The following ZNF536 variants were observed in gnomAD, a reference collection of about 807,000 sequenced individuals.
The protein encoded by ZNF536 is zinc finger protein 536.
A neutral mutation model predicts 84.5 loss-of-function variants in ZNF536; 13 were observed. The ratio of observed to expected loss-of-function variants is 0.15; its 90% CI spans 0.10 to 0.24. ZNF536 has a LOEUF of 0.24. Ranked by LOEUF, ZNF536 falls within the 10% of genes least tolerant of loss-of-function variation. ZNF536 has a pLI of 1.00. For missense variants in ZNF536, 1,536 were observed against 1,747.5 expected (o/e 0.88, Z 2.16); for synonymous variants, 811 against 742.5 (o/e 1.09, Z -1.50).
chr19:30,544,672 G>A (rs1004928328), intron 3 of ZNF536, among the ~76,000 whole-genome samples: 6 of 152,146 alleles, frequency 3.9e-5, no homozygotes, highest in African/African-American at 7.2e-5. Flanking sequence ...GGTTTCAGGT[G>A]TTTATTCATT....
At chr19:30,561,500 C>T (rs965627234), downstream of ZNF536, among the ~76,000 whole-genome samples, 3 of 152,110 alleles carry the variant, frequency 2.0e-5, no homozygotes, top group Non-Finnish European at 4.4e-5. Flanking sequence ...AGGTAAGGAC[C>T]TGGATGCAGG....
intron 1 of ZNF536, among the ~76,000 whole-genome samples, chr19:30,628,683 C>T (rs556054623): frequency 6.6e-6 from 1 of 151,778 alleles, no homozygotes; most frequent in Non-Finnish European, 1.5e-5. Context: ...CCCACCTTGG[C>T]CTCCCTTTAT....
At position 30,257,732 on chromosome 19, in the gene ZNF536, G is replaced by A. The variant is rs541943167; in HGVS notation, c.-189-26340G>A. Among the ~76,000 whole-genome samples the A allele has an allele frequency of 7.9e-5, 12 of 152,320 alleles. No individual in the cohort carries two copies. The South Asian group carries it at 2.3e-3, about 29-fold the overall frequency. ...CTCCCAGGAGGGGCTGAAGATCTGG[G>A]AGGGAAGGTGGTCACTGTAAGGCCA... On this transcript the variant is annotated intron_variant, in intron 1 of 5. Transcript: ENST00000585628.
chr19:30,302,904 C>T (rs1368803054), intron 2 of ZNF536, among the ~76,000 whole-genome samples: 2 of 152,124 alleles, frequency 1.3e-5, no homozygotes, highest in Non-Finnish European at 2.9e-5. Flanking sequence ...TGGTGGTGGC[C>T]TTACGTCCTT....
intron 1 of ZNF536, among the ~76,000 whole-genome samples, chr19:30,396,860 C>T (rs937331327): frequency 6.6e-6 from 1 of 152,156 alleles, no homozygotes; most frequent in Admixed American, 6.5e-5. Context: ...CCGCCTTGGC[C>T]TCCCAAAGTG....
chr19:30,310,749 G>A (rs2146083251), intron 2 of ZNF536, among the ~76,000 whole-genome samples: 1 of 152,268 alleles, frequency 6.6e-6, no homozygotes. Context: ...CGGCTAACCA[G>A]CCATTCTCAG....
At chr19:30,399,303 T>C (rs1399399901) in intron 1 of ZNF536, among the ~76,000 whole-genome samples, 1 of 152,198 alleles carries the variant, frequency 6.6e-6, no homozygotes, top group Non-Finnish European at 1.5e-5. Flanking sequence ...TCTTTGTAGA[T>C]TCTGCCTATT....
At chr19:30,297,914 T>A (rs868821274) in intron 2 of ZNF536, among the ~76,000 whole-genome samples, 2 of 97,328 alleles carry the variant, frequency 2.1e-5, no homozygotes, top group Non-Finnish European at 4.0e-5. Flanking sequence ...CCCCCCCCCC[T>A]CTGTCGCCCA....
intron 2 of ZNF536, among the ~76,000 whole-genome samples, chr19:30,301,285 A>G (rs1270837160): frequency 6.6e-6 from 1 of 152,172 alleles, no homozygotes; most frequent in African/African-American, 2.4e-5. Context: ...TGATAATTTT[A>G]TGTCTGAGGA....
intron 1 of ZNF536, among the ~76,000 whole-genome samples, chr19:30,590,814 G>A (rs1183599138): frequency 1.3e-5 from 2 of 152,150 alleles, no homozygotes; most frequent in Non-Finnish European, 2.9e-5. Flanking sequence ...TGTTTTCTGT[G>A]GTTCCCATTT....
intron 1 of ZNF536, among the ~76,000 whole-genome samples, chr19:30,639,384 A>AT (rs1433351243): frequency 1.3e-5 from 2 of 152,180 alleles, no homozygotes; most frequent in African/African-American, 4.8e-5. Flanking sequence ...TTAATGGGAC[A>AT]TTTTACGTGT....
intron 1 of ZNF536, among the ~76,000 whole-genome samples, chr19:30,608,878 T>C (rs565151562): frequency 2.6e-4 from 40 of 152,322 alleles, no homozygotes; most frequent in South Asian, 1.4e-3. Context: ...AATGTTGCCT[T>C]GGAGCTTGGA....
At chr19:30,561,170 C>T (rs970226753), downstream of ZNF536, among the ~76,000 whole-genome samples, 13 of 152,132 alleles carry the variant, frequency 8.5e-5, no homozygotes, top group Non-Finnish European at 1.2e-4. Context: ...GGCAACCAAG[C>T]GGGGAAAGCA....
At chr19:30,339,809 G>A (rs1314811738) in intron 2 of ZNF536, among the ~76,000 whole-genome samples, 2 of 152,220 alleles carry the variant, frequency 1.3e-5, no homozygotes, top group African/African-American at 2.4e-5. Context: ...TGCTGTGGCT[G>A]CGTGGTTGCT....
intron 1 of ZNF536, among the ~76,000 whole-genome samples, chr19:30,699,420 A>AT (rs574955066): frequency 7.3e-5 from 11 of 151,466 alleles, no homozygotes; most frequent in South Asian, 2.1e-4. Context: ...AAATAAGTAC[A>AT]TTTTTTTTTG....
chr19:30,230,510 C>T (rs997207278), intron 1 of ZNF536, among the ~76,000 whole-genome samples: 5 of 152,202 alleles, frequency 3.3e-5, no homozygotes, highest in African/African-American at 1.2e-4. Flanking sequence ...GCCGGGCTGT[C>T]TTCACGGAAG....
At chr19:30,632,651 A>AAACCAACCAACC (rs34446654) in intron 1 of ZNF536, among the ~76,000 whole-genome samples, 1 of 149,596 alleles carries the variant, frequency 6.7e-6, no homozygotes, top group South Asian at 2.2e-4. Flanking sequence ...ATCAACCAAC[A>AAACCAACCAACC]AACCAACCAA....
At chr19:30,467,281 G>A (rs1007394976) in intron 2 of ZNF536, among the ~76,000 whole-genome samples, 7 of 151,924 alleles carry the variant, frequency 4.6e-5, no homozygotes, top group East Asian at 3.9e-4. Context: ...CATTTCTCTC[G>A]CCCCCCAGCA....
chr19:30,458,179 C>G (rs1427857244), intron 2 of ZNF536, among the ~76,000 whole-genome samples: 1 of 152,218 alleles, frequency 6.6e-6, no homozygotes, highest in East Asian at 1.9e-4. Flanking sequence ...AGTCATCCTG[C>G]TGGACTATTT....
Sources: allele counts gnomAD v4.1 joint callset (sites outside exome capture counted in the v4.1 genomes callset), GRCh38; gene constraint gnomAD v4.1.1; transcripts MANE v1.5; gene names NCBI Gene and HGNC (gene_info 2026-07-23, HGNC 2026-07-21).